The following THADA variants were observed in gnomAD, a reference collection of about 807,000 sequenced individuals.
THADA encodes the protein THADA armadillo repeat containing, also known as tRNA (32-2'-O)-methyltransferase regulator THADA.
Under a neutral mutation model 219.8 loss-of-function variants are expected in THADA, and 213 were observed. The ratio of observed to expected loss-of-function variants is 0.97; its 90% CI spans 0.87 to 1.09. The LOEUF (loss-of-function observed/expected upper bound fraction) is 1.09, where lower values mean the gene tolerates loss of function less well. THADA is among the 50% of genes least tolerant of loss of function. THADA has a pLI of 0.00. For missense variants in THADA, 2,956 were observed against 2,311.3 expected (o/e 1.28, Z -5.72); for synonymous variants, 1,018 against 828.9 (o/e 1.23, Z -3.92).
intron 22 of THADA, among the ~76,000 whole-genome samples, chr2:43,521,740 A>G (rs1416105378): frequency 1.3e-5 from 2 of 152,248 alleles, no homozygotes; most frequent in African/African-American, 2.4e-5. Flanking sequence ...ACTCCTATCC[A>G]CAGAGCTATC....
chr2:43,448,763 C>G (rs1202698239), intron 26 of THADA, among the ~76,000 whole-genome samples: 1 of 151,952 alleles, frequency 6.6e-6, no homozygotes, highest in African/African-American at 2.4e-5. Context: ...GGCAGACCCC[C>G]TGACACAGAC....
chr2:43,440,797 T>C (rs1050111263), intron 26 of THADA, among the ~76,000 whole-genome samples: 1 of 152,222 alleles, frequency 6.6e-6, no homozygotes, highest in South Asian at 2.1e-4. Flanking sequence ...CACTATGATC[T>C]AGAAACTGCC....
At chr2:43,561,078 T>G (rs1336896990) in intron 15 of THADA, among the ~76,000 whole-genome samples, 1 of 147,004 alleles carries the variant, frequency 6.8e-6, no homozygotes, top group Admixed American at 6.8e-5. Context: ...TGACATAGAA[T>G]GATCAGTATG....
chr2:43,428,167 A>G lies in THADA; in HGVS notation c.3991T>C (p.Tyr1331His), dbSNP rs749171840. The G allele has an allele frequency of 3.0e-5, 48 of 1,610,170 alleles. No homozygotes were observed. In the Admixed American group the frequency reaches 7.9e-4, roughly 26 times the overall value. ...FLLLLVLERL[Y>H]ASPMDGTSSA... Reference sequence around the variant, plus strand: ...GAAGTACCATCCATCGGGGAAGCGTAGAGTCTCTCCAACACCAAAAGTAAG... The same window carrying G: ...GAAGTACCATCCATCGGGGAAGCGTGGAGTCTCTCCAACACCAAAAGTAAG... Residue 1331 changes from tyrosine to histidine, a missense_variant, in exon 28 of 38, where the codon TAC (tyrosine) becomes CAC (histidine). Transcript: ENST00000405975.
intron 26 of THADA, among the ~76,000 whole-genome samples, chr2:43,449,840 T>C (rs1471608390): frequency 1.3e-5 from 2 of 152,260 alleles, no homozygotes; most frequent in East Asian, 3.9e-4. Flanking sequence ...TTATAAACTT[T>C]GGAGGCTAGA....
intron 31 of THADA, among the ~76,000 whole-genome samples, chr2:43,308,796 A>G (rs1244174973): frequency 1.4e-5 from 2 of 147,692 alleles, no homozygotes; most frequent in Non-Finnish European, 3.0e-5. Context: ...AATGCCAACC[A>G]TATCTCATGA....
chr2:43,529,987 T>C (rs1693655961), intron 21 of THADA, among the ~76,000 whole-genome samples: 1 of 152,092 alleles, frequency 6.6e-6, no homozygotes, highest in Non-Finnish European at 1.5e-5. Context: ...TCCAATTCAG[T>C]TCAATATGAG....
chr2:43,444,624 A>T (rs1681278705), intron 26 of THADA, among the ~76,000 whole-genome samples: 1 of 152,188 alleles, frequency 6.6e-6, no homozygotes, highest in Non-Finnish European at 1.5e-5. Flanking sequence ...TGCCACACAT[A>T]TGAAAAGTTG....
chr2:43,387,793 G>A (rs948742029), intron 29 of THADA, among the ~76,000 whole-genome samples: 1 of 152,176 alleles, frequency 6.6e-6, no homozygotes, highest in African/African-American at 2.4e-5. Context: ...AGAATGTCAA[G>A]AGTGCCGAGG....
intron 14 of THADA, 29 bp from the exon 15 acceptor site, chr2:43,566,850 G>A (rs1459656573): frequency 7.5e-7 from 1 of 1,342,194 alleles, no homozygotes; most frequent in East Asian, 2.6e-5. Context: ...ATTACAGTAA[G>A]TATAATTACG....
chr2:43,277,428 G>C (rs968357689), intron 36 of THADA: 7 of 152,658 alleles, frequency 4.6e-5, no homozygotes, highest in African/African-American at 1.4e-4. Context: ...TGCATTGACT[G>C]TTCTGCTCTC....
intron 15 of THADA, among the ~76,000 whole-genome samples, chr2:43,560,930 T>C (rs1281508154): frequency 1.3e-5 from 2 of 149,896 alleles, no homozygotes; most frequent in African/African-American, 4.9e-5. Context: ...GGCAGCAGAA[T>C]CGCTCGAGGC....
intron 25 of THADA, among the ~76,000 whole-genome samples, chr2:43,493,088 T>C (rs1183075482): frequency 1.3e-5 from 2 of 152,160 alleles, no homozygotes; most frequent in Admixed American, 6.5e-5. Context: ...AGAGTAGCCA[T>C]GGCATGGCAG....
chr2:43,301,683 T>G (rs929528767), intron 31 of THADA, among the ~76,000 whole-genome samples: 2 of 152,190 alleles, frequency 1.3e-5, no homozygotes, highest in Admixed American at 6.5e-5. Flanking sequence ...TACATTAATC[T>G]GAGAGCTTTA....
In THADA at chr2:43,593,231, C is replaced by G. The variant is rs575086840; in HGVS notation, c.-24-815G>C. Among the ~76,000 whole-genome samples the G allele has an allele frequency of 3.4e-4, 52 of 152,076 alleles. 1 individual carries two copies. In the South Asian group the frequency reaches 0.01, roughly 30 times the overall value. ...GGAATAACGAGCAATATGAAATTTA[C>G]CAAGATGAAACAGAAATAAATACAA... is the stretch of plus-strand genomic sequence containing the variant. On this transcript the variant is annotated intron_variant, in intron 1 of 37. Coordinates refer to ENST00000405975, the MANE Select transcript of THADA (RefSeq NM_022065.5).
intron 34 of THADA, among the ~76,000 whole-genome samples, chr2:43,289,438 A>G (rs1254358083): frequency 6.6e-6 from 1 of 152,214 alleles, no homozygotes; most frequent in East Asian, 1.9e-4. Context: ...CGCACCAAGA[A>G]ACTCATGTTT....
chr2:43,593,779 G>A (rs1196288342), intron 1 of THADA, among the ~76,000 whole-genome samples: 2 of 151,904 alleles, frequency 1.3e-5, no homozygotes, highest in South Asian at 2.1e-4. Context: ...GACTACAGGC[G>A]CCCGCCACCA....
intron 35 of THADA, among the ~76,000 whole-genome samples, chr2:43,282,637 G>A (rs1673493103): frequency 6.6e-6 from 1 of 152,224 alleles, no homozygotes; most frequent in South Asian, 2.1e-4. Flanking sequence ...CATGGCAGGA[G>A]AGGGCAGGGT....
rs72867019 is a variant in THADA at position 43,534,039 on chromosome 2, T to C, written c.3265-6051A>G. 8.8e-3 allele frequency among the ~76,000 whole-genome samples: 1,334 copies of C among 152,334 alleles called. 21 individuals carry two copies. Among genetic ancestry groups the C allele is most frequent in the African/African-American group, 0.031 (1,277 of 41,572 alleles). On this transcript the variant is annotated intron_variant, in intron 21 of 37. Coordinates refer to ENST00000405975, the MANE Select transcript of THADA (RefSeq NM_022065.5). ...ATAAGATAAATATTTAAAAAGCAGT[T>C]GTATTTTTATAGCCCAGCAAGATAA...
Sources: gnomAD v4.1 joint callset for allele counts (sites outside exome capture counted in the v4.1 genomes callset) on GRCh38, gnomAD v4.1.1 for gene constraint, MANE v1.5 for transcripts, NCBI Gene and HGNC (gene_info 2026-07-23, HGNC 2026-07-21) for gene names.